Variants in PCDHGA1 observed in about 807,000 individuals in gnomAD.
PCDHGA1 encodes protocadherin gamma-A1.
Under a neutral mutation model 58.0 loss-of-function variants are expected in PCDHGA1, and 32 were observed. That is an observed-to-expected ratio of 0.55 (90% CI 0.42 to 0.74). PCDHGA1 has a LOEUF of 0.74. Among genes scored for constraint, PCDHGA1 ranks in the 30% least tolerant of loss-of-function variants. The pLI is 0.00. For synonymous variants in PCDHGA1, 498 were observed against 501.1 expected (o/e 0.99, Z 0.08); for missense variants, 1,205 against 1,182.3 (o/e 1.02, Z -0.28).
At chr5:141,412,100 C>G (rs1041242156) in intron 1 of PCDHGA1, 2 of 152,180 alleles carry the variant, frequency 1.3e-5, no homozygotes, top group Non-Finnish European at 2.9e-5. Context: ...TGGGCACACA[C>G]AGTTGAAGAT....
chr5:141,340,961 G>A (rs1475554511), intron 1 of PCDHGA1: 3 of 1,613,770 alleles, frequency 1.9e-6, no homozygotes, highest in South Asian at 1.1e-5. Context: ...CACCGTGGCC[G>A]TGGCCGACAG....
chr5:141,431,884 T>A lies in PCDHGA1; in HGVS notation c.2422-62923T>A. ...CCCTTTTAAATGTAAATGACCAAGA[T>A]TCTGAGGAAAACGGACAGGTGATCT... On this transcript the variant is annotated intron_variant, in intron 1 of 3. Transcript: ENST00000517417. This position sits in a 1 kb window ranked among gnomAD's most constrained non-coding sequence, Gnocchi z 4.8. 1.2e-6 allele frequency: 2 copies of A among 1,614,218 alleles called. No individual in the cohort carries two copies. Among genetic ancestry groups the A allele is most frequent in the Non-Finnish European group, 1.7e-6 (2 of 1,180,008 alleles).
intron 1 of PCDHGA1, among the ~76,000 whole-genome samples, chr5:141,348,518 A>G (rs1224443718): frequency 6.6e-6 from 1 of 152,220 alleles, no homozygotes; most frequent in African/African-American, 2.4e-5. Flanking sequence ...GTCAGGGGAA[A>G]TTTGGATGCT....
chr5:141,355,431 G>T, intron 1 of PCDHGA1: 2 of 1,614,100 alleles, frequency 1.2e-6, no homozygotes, highest in Non-Finnish European at 1.7e-6. Context: ...TTTTCGCCCT[G>T]AACCCGCGCA....
At chr5:141,345,723 T>C in intron 1 of PCDHGA1, 1 of 1,614,214 alleles carries the variant, frequency 6.2e-7, no homozygotes, top group Non-Finnish European at 8.5e-7. Context: ...CGAGATCCTG[T>C]ACCCCGCCCT....
At chr5:141,408,458 G>T (rs760881860) in intron 1 of PCDHGA1, 4 of 1,614,066 alleles carry the variant, frequency 2.5e-6, no homozygotes, top group South Asian at 2.2e-5. Flanking sequence ...GGACTTACTT[G>T]TGAAGAACCG....
intron 1 of PCDHGA1, among the ~76,000 whole-genome samples, chr5:141,459,559 A>AC (rs920626314): frequency 6.6e-6 from 1 of 152,198 alleles, no homozygotes; most frequent in Non-Finnish European, 1.5e-5. Flanking sequence ...TTGGATAAAT[A>AC]CCCCAAAACA....
At position 141,494,841 on chromosome 5, in the gene PCDHGA1, A is replaced by G. The variant is rs1163193977; in HGVS notation, c.2456A>G (p.Gln819Arg). ...APPNTDWRFS[Q>R]AQRPGTSGSQ... ...CCCAACACGGACTGGCGTTTCTCTC[A>G]GGCCCAGAGACCCGGCACCAGCGGG... The change falls in exon 2 of 4, where the codon CAG (glutamine) becomes CGG (arginine). Residue 819 changes from glutamine to arginine, a missense_variant. Gln to Arg is a conservative substitution (Grantham distance 43). Coordinates refer to ENST00000517417, the MANE Select transcript of PCDHGA1 (RefSeq NM_018912.3). 1 of 1,613,996 alleles carries G rather than the reference A, an allele frequency of 6.2e-7. No homozygotes were observed. The highest frequency in any genetic ancestry group is 1.1e-5 in the South Asian group (1 of 91,074).
In PCDHGA1 at chr5:141,489,681, A is replaced by T; in HGVS notation, c.2422-5126A>T. ...AGATGCGCATCTCAGAATCAGCAGC[A>T]TCTGGGGCACGATTCCCACTGGACA... On this transcript the variant is annotated intron_variant, in intron 1 of 3. Transcript: ENST00000517417. This position sits in a 1 kb window ranked among gnomAD's most constrained non-coding sequence, Gnocchi z 4.5. 1 of 1,614,174 alleles carries T rather than the reference A, an allele frequency of 6.2e-7. No individual in the cohort carries two copies. The highest frequency in any genetic ancestry group is 8.5e-7 in the Non-Finnish European group (1 of 1,180,010).
chr5:141,478,358 C>G, intron 1 of PCDHGA1: 1 of 1,613,738 alleles, frequency 6.2e-7, no homozygotes, highest in South Asian at 1.1e-5. Flanking sequence ...GGACGCCGTG[C>G]GGGGAGGCCT....
At chr5:141,419,554 T>C (rs775925543) in intron 1 of PCDHGA1, 1 of 1,612,006 alleles carries the variant, frequency 6.2e-7, no homozygotes, top group Non-Finnish European at 8.5e-7. Flanking sequence ...TGCTGTACCC[T>C]GCGCTGGGTC....
intron 1 of PCDHGA1, among the ~76,000 whole-genome samples, chr5:141,348,509 T>C (rs1215802144): frequency 1.3e-5 from 2 of 152,326 alleles, no homozygotes; most frequent in Admixed American, 1.3e-4. Flanking sequence ...ATTAGCTGTG[T>C]CAGGGGAAAT....
At chr5:141,456,352 C>T (rs1253586137) in intron 1 of PCDHGA1, among the ~76,000 whole-genome samples, 1 of 152,050 alleles carries the variant, frequency 6.6e-6, no homozygotes, top group Non-Finnish European at 1.5e-5. Flanking sequence ...GGAAGAATGG[C>T]GTCCATGTGT....
chr5:141,368,108 T>C (rs1244869694), intron 1 of PCDHGA1, among the ~76,000 whole-genome samples: 1 of 152,216 alleles, frequency 6.6e-6, no homozygotes, highest in African/African-American at 2.4e-5. Context: ...TTCAGATGTT[T>C]CTTATTAAAA....
intron 1 of PCDHGA1, chr5:141,392,838 AGACGCGGC>A (rs1239948956): frequency 6.2e-7 from 1 of 1,608,522 alleles, no homozygotes; most frequent in South Asian, 1.1e-5. Context: ...GAGTCGCCCC[AGACGCGGC>A]GAGCTGATCC....
At chr5:141,405,357 A>G in intron 1 of PCDHGA1, 1 of 1,613,846 alleles carries the variant, frequency 6.2e-7, no homozygotes, top group Non-Finnish European at 8.5e-7. Flanking sequence ...TTTCCTATAG[A>G]AGACACCCCT....
At chr5:141,375,106 T>C in intron 1 of PCDHGA1, 1 of 1,613,952 alleles carries the variant, frequency 6.2e-7, no homozygotes, top group East Asian at 2.2e-5. Context: ...TGGATGTCAA[T>C]GATAATGTAC....
intron 1 of PCDHGA1, chr5:141,367,506 C>T (rs957460627): frequency 2.0e-4 from 30 of 151,946 alleles, no homozygotes; most frequent in African/African-American, 7.0e-4. Flanking sequence ...CACTGCACTC[C>T]AGCCTGGGAG....
intron 1 of PCDHGA1, chr5:141,478,026 C>G: frequency 6.2e-7 from 1 of 1,614,180 alleles, no homozygotes; most frequent in Non-Finnish European, 8.5e-7. Flanking sequence ...GTCCAAGACA[C>G]AGATTCACCC....
Sources: gnomAD v4.1 joint callset for allele counts (sites outside exome capture counted in the v4.1 genomes callset) on GRCh38, gnomAD v4.1.1 for gene constraint, Gnocchi (gnomAD v3.1) non-coding constraint, MANE v1.5 for transcripts, NCBI Gene and HGNC (gene_info 2026-07-23, HGNC 2026-07-21) for gene names.